The following AP2S1 variants were observed in gnomAD, a reference collection of about 807,000 sequenced individuals.
AP2S1 encodes the protein adaptor related protein complex 2 subunit sigma 1, also known as AP-2 complex subunit sigma.
AP2S1 carries 6 observed loss-of-function variants against 21.0 expected under a neutral mutation model. That is an observed-to-expected ratio of 0.29 (90% CI 0.16 to 0.56). AP2S1 has a LOEUF of 0.56. Ranked by LOEUF, AP2S1 falls within the 20% of genes least tolerant of loss-of-function variation. The pLI is 0.92. For missense variants in AP2S1, 60 were observed against 186.2 expected (o/e 0.32, Z 3.95); for synonymous variants, 63 against 74.6 (o/e 0.84, Z 0.80).
intron 2 of AP2S1, 57 bp downstream of exon 2, chr19:46,845,936 T>C (rs2055622988): frequency 6.2e-7 from 1 of 1,605,376 alleles, no homozygotes; most frequent in Admixed American, 1.7e-5. Flanking sequence ...GGGCAGGGAG[T>C]GGCGAAGTAG....
intron 1 of AP2S1, among the ~76,000 whole-genome samples, chr19:46,849,465 C>G (rs2122812261): frequency 6.6e-6 from 1 of 152,228 alleles, no homozygotes; most frequent in Middle Eastern, 3.4e-3. Flanking sequence ...CAGGAAGGGA[C>G]GTTGGGGGGC....
intron 2 of AP2S1, among the ~76,000 whole-genome samples, chr19:46,840,991 T>A (rs2055511234): frequency 6.6e-6 from 1 of 151,352 alleles, no homozygotes; most frequent in Non-Finnish European, 1.5e-5. Context: ...TCTCACTCTG[T>A]CGCCCAGGCC....
In AP2S1 at chr19:46,850,750, CG is replaced by C. The variant is rs1204238082; in HGVS notation, c.3+13del. On this transcript the variant is annotated intron_variant, in intron 1 of 4. Transcript: ENST00000263270. Reference sequence around the variant, plus strand: ...CCCCCTCCGCCAGTCCCCGGCGTAGCGCTCCCCCGTTACCATGGCGACCCCC... The same window carrying C: ...CCCCCTCCGCCAGTCCCCGGCGTAGCCTCCCCCGTTACCATGGCGACCCCC... The C allele has an allele frequency of 5.1e-6, 8 of 1,578,708 alleles. No individual in the cohort carries two copies. Among genetic ancestry groups the C allele is most frequent in the Non-Finnish European group, 6.9e-6 (8 of 1,153,788 alleles).
Position 46,838,275 on chromosome 19 carries a change from C to T in AP2S1, c.*172G>A, listed in dbSNP as rs1451710235. The T allele has an allele frequency of 1.6e-6, 1 of 624,866 alleles. No individual in the cohort carries two copies. The highest frequency in any genetic ancestry group is 2.8e-6 in the Non-Finnish European group (1 of 354,754). 38.7% of individuals were successfully genotyped at this position (624,866 alleles called of 1,614,324 possible). On this transcript the variant is annotated 3_prime_UTR_variant, in exon 5 of 5. Coordinates refer to ENST00000263270, the MANE Select transcript of AP2S1 (RefSeq NM_004069.6). This position sits in a 1 kb window ranked among gnomAD's most constrained non-coding sequence, Gnocchi z 4.1. Reference sequence around the variant, plus strand: ...ACACACGGTGGCCTCTGCCCACAGCCAGGGCCCAGAGGCAGTGGGGTGCAG... The same window carrying T: ...ACACACGGTGGCCTCTGCCCACAGCTAGGGCCCAGAGGCAGTGGGGTGCAG...
In AP2S1 at chr19:46,839,545, C is replaced by A. The variant is rs1343088923; in HGVS notation, c.187G>T (p.Ala63Ser). ...ACACAGATGCAGAAGTAGAGGCCAGCATAGCGGCGGTAAATGATCTTAAAG... is the reference window on the plus strand; with the variant it reads ...ACACAGATGCAGAAGTAGAGGCCAGAATAGCGGCGGTAAATGATCTTAAAG... ...RNFKIIYRRYAGLYFCICVDV... is the reference protein window; with the variant it reads ...RNFKIIYRRYSGLYFCICVDV... The change falls in exon 3 of 5, where the codon GCT becomes TCT. Residue 63 changes from alanine to serine, a missense_variant. Physicochemically the swap from Ala to Ser is moderately conservative, Grantham distance 99. Transcript: ENST00000263270. The A allele has an allele frequency of 6.2e-7, 1 of 1,613,972 alleles. No homozygotes were observed. The highest frequency in any genetic ancestry group is 8.5e-7 in the Non-Finnish European group (1 of 1,180,020).
chr19:46,850,248 A>C, intron 1 of AP2S1: 1 of 1,232,906 alleles, frequency 8.1e-7, no homozygotes, highest in Non-Finnish European at 1.0e-6. Flanking sequence ...TCCCTCTCTC[A>C]CAGGCAGTCT....
intron 1 of AP2S1, 57 bp downstream of exon 1, chr19:46,850,707 G>T: frequency 7.0e-7 from 1 of 1,434,224 alleles, no homozygotes; most frequent in Non-Finnish European, 9.8e-7. Context: ...TCCAGCCTCG[G>T]CTATTTACGC....
intron 2 of AP2S1, among the ~76,000 whole-genome samples, chr19:46,839,888 T>C (rs2055487532): frequency 6.6e-6 from 1 of 152,024 alleles, no homozygotes; most frequent in African/African-American, 2.4e-5. Flanking sequence ...AGCTGGAGGA[T>C]AGGCAGGAAT....
intron 1 of AP2S1, among the ~76,000 whole-genome samples, chr19:46,847,683 T>C (rs2055661636): frequency 6.6e-6 from 1 of 152,160 alleles, no homozygotes; most frequent in South Asian, 2.1e-4. Flanking sequence ...TGTATATGAG[T>C]GGAATCATGC....
chr19:46,850,413 C>A, intron 1 of AP2S1: 1 of 1,089,378 alleles, frequency 9.2e-7, no homozygotes, highest in Non-Finnish European at 1.2e-6. Flanking sequence ...CTCTTTCGGA[C>A]GCCCTCTCCC....
intron 2 of AP2S1, among the ~76,000 whole-genome samples, chr19:46,840,590 C>T (rs532935445): frequency 1.3e-5 from 2 of 151,942 alleles, no homozygotes; most frequent in South Asian, 2.1e-4. Flanking sequence ...CTGTGAGCCA[C>T]GTTCCCATCA....
At chr19:46,839,643 G>A (rs1039998629) in intron 2 of AP2S1, 65 bp from the exon 3 acceptor site, 1 of 1,610,122 alleles carries the variant, frequency 6.2e-7, no homozygotes, top group Non-Finnish European at 8.5e-7. Flanking sequence ...ACAGAGTGGG[G>A]CCAAAACATT....
chr19:46,848,818 T>C (rs1193656878), intron 1 of AP2S1, among the ~76,000 whole-genome samples: 5 of 152,128 alleles, frequency 3.3e-5, no homozygotes, highest in African/African-American at 1.2e-4. Context: ...GTTCAAGCGA[T>C]TCTCCTGCCT....
Position 46,850,763 on chromosome 19 carries a change from C to A in AP2S1, c.3+1G>T. ...TCCCCGGCGTAGCGCTCCCCCGTTA[C>A]CATGGCGACCCCCGTCCAGACCCCA... On this transcript the variant is annotated splice_donor_variant, in intron 1 of 4. Coordinates refer to ENST00000263270, the MANE Select transcript of AP2S1 (RefSeq NM_004069.6). LOFTEE classifies it high-confidence loss of function. 1 of 1,587,512 alleles carries A rather than the reference C, an allele frequency of 6.3e-7. No individual in the cohort carries two copies. Among genetic ancestry groups the A allele is most frequent in the Non-Finnish European group, 8.6e-7 (1 of 1,163,470 alleles).
At chr19:46,843,125 G>A (rs2055557839) in intron 2 of AP2S1, among the ~76,000 whole-genome samples, 1 of 152,062 alleles carries the variant, frequency 6.6e-6, no homozygotes, top group South Asian at 2.1e-4. Context: ...TCCTACCCGG[G>A]GGCTCAAGTG....
chr19:46,839,286 CAAAAAA>C (rs771792607), intron 3 of AP2S1, among the ~76,000 whole-genome samples, 173 bp downstream of exon 3: 22 of 72,922 alleles, frequency 3.0e-4, no homozygotes, highest in Non-Finnish European at 4.5e-4. Flanking sequence ...GACTCCGTCT[CAAAAAA>C]AAAAAAAAAA....
At chr19:46,850,409 C>T (rs1282131274) in intron 1 of AP2S1, 2 of 1,123,680 alleles carry the variant, frequency 1.8e-6, no homozygotes, top group Non-Finnish European at 2.3e-6. Flanking sequence ...CTTCCTCTTT[C>T]GGACGCCCTC....
intron 2 of AP2S1, among the ~76,000 whole-genome samples, chr19:46,844,913 C>A (rs933892484): frequency 6.6e-6 from 1 of 150,930 alleles, no homozygotes; most frequent in African/African-American, 2.4e-5. Flanking sequence ...ACCAGTCTGA[C>A]CAACATGGTG....
In AP2S1 at chr19:46,838,414, AGGGGCC is replaced by A; in HGVS notation, c.*27_*32del. Reference sequence around the variant, plus strand: ...GGGGAAGCGAGCAGGCGAGTCCAGGAGGGGCCGGGGCCGGGGTGGGGCTCGCCTGCC... The same window carrying A: ...GGGGAAGCGAGCAGGCGAGTCCAGGAGGGGCCGGGGTGGGGCTCGCCTGCC... On this transcript the variant is annotated 3_prime_UTR_variant, in exon 5 of 5. Transcript: ENST00000263270. The surrounding 1 kb of genome is among the most constrained non-coding windows in gnomAD (Gnocchi z 4.1). The A allele has an allele frequency of 6.2e-7, 1 of 1,603,384 alleles. No homozygotes were observed.
Sources: gnomAD v4.1 joint callset for allele counts (sites outside exome capture counted in the v4.1 genomes callset) on GRCh38, gnomAD v4.1.1 for gene constraint, Gnocchi (gnomAD v3.1) non-coding constraint, MANE v1.5 for transcripts, NCBI Gene and HGNC (gene_info 2026-07-23, HGNC 2026-07-21) for gene names.